Variants in PTPN3 observed in about 807,000 individuals in gnomAD.
PTPN3 encodes protein tyrosine phosphatase non-receptor type 3, also known as tyrosine-protein phosphatase non-receptor type 3.
In PTPN3, 96 loss-of-function variants were observed where a neutral mutation model predicts 132.7. The observed-to-expected ratio is 0.72, with a 90% CI of 0.61 to 0.86. PTPN3 has a LOEUF of 0.86. PTPN3 is among the 40% of genes least tolerant of loss of function. The pLI, the probability that PTPN3 is intolerant of heterozygous loss-of-function variation, is 0.00. For missense variants in PTPN3, 1,125 were observed against 1,159.6 expected, an observed-to-expected ratio of 0.97 and a Z score of 0.43; for synonymous variants, 398 against 429.0, an observed-to-expected ratio of 0.93 and a Z score of 0.89.
intron 2 of PTPN3, among the ~76,000 whole-genome samples, chr9:109,462,541 G>T (rs1284683151): frequency 1.3e-5 from 2 of 152,116 alleles, no homozygotes; most frequent in Non-Finnish European, 2.9e-5. Flanking sequence ...TCAGGGTTGG[G>T]ACTGATCCTG....
At chr9:109,480,764 G>A (rs531292336) in intron 1 of PTPN3, among the ~76,000 whole-genome samples, 5 of 152,216 alleles carry the variant, frequency 3.3e-5, no homozygotes, top group African/African-American at 1.2e-4. Flanking sequence ...TCACCAGCAC[G>A]ATCTTCTGGC....
intron 4 of PTPN3, among the ~76,000 whole-genome samples, chr9:109,455,170 T>C (rs1306852432): frequency 1.3e-5 from 2 of 152,256 alleles, no homozygotes; most frequent in Non-Finnish European, 2.9e-5. Flanking sequence ...ATGCTTTTAA[T>C]GTAAAGTATA....
At chr9:109,530,573 A>T in the PTPN3 span, among the ~76,000 whole-genome samples, 1 of 152,188 alleles carries the variant, frequency 6.6e-6, no homozygotes, top group Non-Finnish European at 1.5e-5. Flanking sequence ...TTGGGAGTAT[A>T]ACCAAAAGTG....
chr9:109,481,766 T>C (rs1846969630), intron 1 of PTPN3, among the ~76,000 whole-genome samples: 1 of 152,164 alleles, frequency 6.6e-6, no homozygotes, highest in Non-Finnish European at 1.5e-5. Context: ...ATTGATAAAA[T>C]TGGGAACCCC....
At position 109,406,482 on chromosome 9, in the gene PTPN3, G is replaced by A; in HGVS notation, c.1772C>T (p.Ala591Val). The A allele has an allele frequency of 1.2e-6, 2 of 1,614,054 alleles. No homozygotes were observed. Among genetic ancestry groups the A allele is most frequent in the Admixed American group, 1.7e-5 (1 of 60,016 alleles). Reference sequence around the variant, plus strand: ...ATTACCTCTCCTCCTGATCACCAGGGCCAGCTCCCGTGAGTGGGACTCCCG... The same window carrying A: ...ATTACCTCTCCTCCTGATCACCAGGACCAGCTCCCGTGAGTGGGACTCCCG... The part of the protein sequence containing the change: ...ASRESHSREL[A>V]LVIRRRAVRS... The change falls in exon 18 of 26, where the codon GCC (alanine) becomes GTC (valine). Residue 591 changes from alanine (A) to valine (V), a missense_variant. Coordinates refer to ENST00000374541, the MANE Select transcript of PTPN3 (RefSeq NM_002829.4).
intron 19 of PTPN3, among the ~76,000 whole-genome samples, chr9:109,398,603 T>A (rs925664997): frequency 6.6e-6 from 1 of 152,190 alleles, no homozygotes; most frequent in African/African-American, 2.4e-5. Flanking sequence ...ACTGCTGTAA[T>A]CCATCAACTG....
At chr9:109,527,866 C>T in the PTPN3 span, among the ~76,000 whole-genome samples, 1 of 152,092 alleles carries the variant, frequency 6.6e-6, no homozygotes, top group South Asian at 2.1e-4. Context: ...ACACATATAT[C>T]CGACAGAGGA....
rs563900816 is a variant in PTPN3, at chr9:109,464,705, T to C, written c.-17-1254A>G. Among the ~76,000 whole-genome samples, 6 of 152,350 alleles carry C rather than the reference T, an allele frequency of 3.9e-5. No homozygotes were observed. In the South Asian group the frequency reaches 1.2e-3, roughly 32 times the overall value. On this transcript the variant is annotated intron_variant, in intron 1 of 25. Coordinates refer to ENST00000374541, the MANE Select transcript of PTPN3 (RefSeq NM_002829.4). ...CCCCATTTATCAAATGTGGAACGGATAAACTGTGGTACAGTCATACCATAT... is the reference window on the plus strand; with the variant it reads ...CCCCATTTATCAAATGTGGAACGGACAAACTGTGGTACAGTCATACCATAT...
At chr9:109,477,665 G>A (rs1846748631) in intron 1 of PTPN3, among the ~76,000 whole-genome samples, 1 of 152,230 alleles carries the variant, frequency 6.6e-6, no homozygotes, top group South Asian at 2.1e-4. Flanking sequence ...ATTATTAGCA[G>A]CAGCGGGAGG....
chr9:109,481,185 G>A (rs970603791), intron 1 of PTPN3, among the ~76,000 whole-genome samples: 3 of 152,172 alleles, frequency 2.0e-5, no homozygotes, highest in Non-Finnish European at 4.4e-5. Flanking sequence ...CCAGTCTCCT[G>A]GTTCAAGTCC....
chr9:109,463,179 G>A, intron 2 of PTPN3, 118 bp downstream of exon 2: 1 of 1,099,494 alleles, frequency 9.1e-7, no homozygotes, highest in South Asian at 1.8e-5. Context: ...TACAAGATCT[G>A]AGATCTCAAG....
intron 1 of PTPN3, among the ~76,000 whole-genome samples, chr9:109,464,828 T>A (rs1846017455): frequency 1.3e-5 from 2 of 152,222 alleles, no homozygotes; most frequent in Admixed American, 6.5e-5. Context: ...CACAACAGAT[T>A]ATCTGCTGCA....
At chr9:109,408,027 C>T (rs529728721) in intron 17 of PTPN3, among the ~76,000 whole-genome samples, 1 of 152,280 alleles carries the variant, frequency 6.6e-6, no homozygotes, top group East Asian at 1.9e-4. Context: ...AAAAGGACTT[C>T]TCAAAATTGA....
chr9:109,423,666 G>T (rs959592881), intron 12 of PTPN3, among the ~76,000 whole-genome samples: 3 of 152,134 alleles, frequency 2.0e-5, no homozygotes, highest in African/African-American at 7.2e-5. Context: ...TACCCTGAAG[G>T]TTACTTTTGA....
At chr9:109,489,094 C>A (rs985862993) in intron 1 of PTPN3, among the ~76,000 whole-genome samples, 9 of 152,218 alleles carry the variant, frequency 5.9e-5, no homozygotes, top group African/African-American at 1.7e-4. Context: ...TGCTTACACA[C>A]CCTGGCTCTT....
intron 13 of PTPN3, among the ~76,000 whole-genome samples, chr9:109,421,636 G>A (rs898594689): frequency 6.6e-6 from 1 of 152,238 alleles, no homozygotes; most frequent in Non-Finnish European, 1.5e-5. Context: ...AAATTAAGCT[G>A]CTGTGTTATA....
chr9:109,519,529 T>C, the PTPN3 span, among the ~76,000 whole-genome samples: 1 of 152,188 alleles, frequency 6.6e-6, no homozygotes, highest in African/African-American at 2.4e-5. Context: ...GTTTGAAGAA[T>C]GAGGAAACTG....
At chr9:109,380,793 T>C (rs781732530) in intron 25 of PTPN3, among the ~76,000 whole-genome samples, 8 of 152,278 alleles carry the variant, frequency 5.3e-5, no homozygotes, top group Middle Eastern at 6.8e-3. Flanking sequence ...TTGGAACATA[T>C]AGTTCCTGCT....
At chr9:109,499,907 C>G (rs941653062), upstream of PTPN3, among the ~76,000 whole-genome samples, 26 of 152,180 alleles carry the variant, frequency 1.7e-4, 1 homozygote, top group Non-Finnish European at 4.4e-5. Flanking sequence ...GCGGCGCCCG[C>G]TCAGCACCAC....
Sources: allele counts gnomAD v4.1 joint callset (sites outside exome capture counted in the v4.1 genomes callset), GRCh38; gene constraint gnomAD v4.1.1; transcripts MANE v1.5; gene names NCBI Gene and HGNC (gene_info 2026-07-23, HGNC 2026-07-21).